The following AGK variants were observed in gnomAD, a reference collection of about 807,000 sequenced individuals.
AGK encodes acylglycerol kinase, mitochondrial.
In AGK, 52 loss-of-function variants were observed where a neutral mutation model predicts 66.4. The ratio of observed to expected loss-of-function variants is 0.78; its 90% CI spans 0.63 to 0.99. The LOEUF (loss-of-function observed/expected upper bound fraction) is 0.99. Ranked by LOEUF, AGK falls within the 50% of genes least tolerant of loss-of-function variation. The pLI is 0.00. For missense variants in AGK, 451 were observed against 506.6 expected, an observed-to-expected ratio of 0.89 and a Z score of 1.05; for synonymous variants, 182 against 181.1, an observed-to-expected ratio of 1.00 and a Z score of -0.04.
chr7:141,645,461 A>C (rs1454313615), intron 13 of AGK, among the ~76,000 whole-genome samples: 1 of 152,188 alleles, frequency 6.6e-6, no homozygotes, highest in Non-Finnish European at 1.5e-5. Context: ...CTACAGATTT[A>C]GTCATGGCCA....
intron 14 of AGK, chr7:141,650,675 C>T (rs990010764): frequency 3.0e-6 from 3 of 985,192 alleles, no homozygotes; most frequent in African/African-American, 1.7e-5. Context: ...TCTGTATATG[C>T]GCTGGAAATT....
At chr7:141,558,271 C>T (rs1795258912) in intron 2 of AGK, among the ~76,000 whole-genome samples, 1 of 151,760 alleles carries the variant, frequency 6.6e-6, no homozygotes, top group South Asian at 2.1e-4. Context: ...GATTCTCTTG[C>T]CTCAGCCTCC....
At chr7:141,581,124 T>G (rs939896175) in intron 2 of AGK, among the ~76,000 whole-genome samples, 1 of 151,870 alleles carries the variant, frequency 6.6e-6, no homozygotes, top group Non-Finnish European at 1.5e-5. Context: ...TTATGAAGAA[T>G]TATGCCGATA....
Position 141,576,835 on chromosome 7 carries a change from C to T in AGK, c.102-16311C>T, listed in dbSNP as rs866937040. ...TGGGCGGATCACAAGGTCAGGAGAT[C>T]GAGACCATCCTCGCTAACACGGTGA... On this transcript the variant is annotated intron_variant, in intron 2 of 15. Transcript: ENST00000649286. Among the ~76,000 whole-genome samples, 22 of 151,774 alleles carry T rather than the reference C, an allele frequency of 1.4e-4. 1 individual carries two copies. The highest frequency in any genetic ancestry group is 6.8e-3 in the Middle Eastern group (2 of 294).
chr7:141,589,318 T>C (rs1169060576), intron 2 of AGK, among the ~76,000 whole-genome samples: 1 of 152,378 alleles, frequency 6.6e-6, no homozygotes, highest in East Asian at 1.9e-4. Context: ...TAGTACTTGG[T>C]ACAAGGTAGT....
intron 2 of AGK, among the ~76,000 whole-genome samples, chr7:141,587,021 C>T (rs115733914): frequency 0.061 from 9,298 of 152,216 alleles, 542 homozygotes; most frequent in South Asian, 0.14. Context: ...CACCTCCACC[C>T]GGGTTCTCAC....
chr7:141,633,409 CACTTTTTATTTCG>C (rs148028499), intron 9 of AGK, among the ~76,000 whole-genome samples: 2,007 of 152,270 alleles, frequency 0.013, 45 homozygotes, highest in African/African-American at 0.045. Context: ...AAATCCAAAT[CACTTTTTATTTCG>C]ACTTTTTGTA....
At chr7:141,564,967 TC>T (rs1447999508) in intron 2 of AGK, among the ~76,000 whole-genome samples, 1 of 152,110 alleles carries the variant, frequency 6.6e-6, no homozygotes, top group Non-Finnish European at 1.5e-5. Context: ...CCTCAGGTGA[TC>T]CGCCCTCCTC....
intron 10 of AGK, 102 bp downstream of exon 10, chr7:141,634,082 G>A: frequency 9.7e-7 from 1 of 1,028,418 alleles, no homozygotes; most frequent in Non-Finnish European, 1.5e-6. Context: ...GAATAAATTT[G>A]GTGGGCCTGG....
At chr7:141,586,285 C>G (rs774634149) in intron 2 of AGK, among the ~76,000 whole-genome samples, 8 of 152,268 alleles carry the variant, frequency 5.3e-5, no homozygotes, top group Non-Finnish European at 1.0e-4. Flanking sequence ...CTGTACTACA[C>G]CATAATGACT....
At chr7:141,572,791 C>A (rs1446798764) in intron 2 of AGK, among the ~76,000 whole-genome samples, 1 of 151,516 alleles carries the variant, frequency 6.6e-6, no homozygotes, top group African/African-American at 2.4e-5. Flanking sequence ...AGTTTGAAAC[C>A]CCGACAGGCT....
At chr7:141,586,073 T>C (rs1408071704) in intron 2 of AGK, among the ~76,000 whole-genome samples, 1 of 152,090 alleles carries the variant, frequency 6.6e-6, no homozygotes, top group African/African-American at 2.4e-5. Flanking sequence ...TCATTAGTAA[T>C]CTGGAATTTT....
At chr7:141,561,834 T>G (rs546021824) in intron 2 of AGK, among the ~76,000 whole-genome samples, 4 of 152,208 alleles carry the variant, frequency 2.6e-5, no homozygotes, top group East Asian at 3.9e-4. Flanking sequence ...CTCTTCAGAT[T>G]CTTTTGTCCC....
In AGK at chr7:141,652,993, T is replaced by C. The variant is rs1301055159; in HGVS notation, c.*69T>C. ...GTGGGACCAAAAGGGAACAGGTGCC[T>C]CAGCCATCCCAACAGTGTCGTCAGA... On this transcript the variant is annotated 3_prime_UTR_variant, in exon 16 of 16. Coordinates refer to ENST00000649286, the MANE Select transcript of AGK (RefSeq NM_018238.4). 6.3e-7 allele frequency: 1 copy of C among 1,587,930 alleles called. No homozygotes were observed. The highest frequency in any genetic ancestry group is 8.6e-7 in the Non-Finnish European group (1 of 1,164,420).
At chr7:141,556,847 A>G (rs2116847349) in intron 2 of AGK, among the ~76,000 whole-genome samples, 1 of 152,354 alleles carries the variant, frequency 6.6e-6, no homozygotes, top group Middle Eastern at 3.4e-3. Flanking sequence ...TTTTGTTTAA[A>G]TAAAGAATTC....
At chr7:141,597,648 A>G in intron 4 of AGK, among the ~76,000 whole-genome samples, 1 of 152,080 alleles carries the variant, frequency 6.6e-6, no homozygotes, top group Non-Finnish European at 1.5e-5. Flanking sequence ...AGGTGGGCAG[A>G]TCACTTGAGC....
At chr7:141,628,108 T>C (rs1192899263) in intron 9 of AGK, among the ~76,000 whole-genome samples, 1 of 152,188 alleles carries the variant, frequency 6.6e-6, no homozygotes, top group Non-Finnish European at 1.5e-5. Flanking sequence ...TGTTGAACTC[T>C]TGGCCTCCTG....
intron 6 of AGK, among the ~76,000 whole-genome samples, chr7:141,611,838 G>A (rs1261314362): frequency 6.6e-6 from 1 of 152,174 alleles, no homozygotes; most frequent in Non-Finnish European, 1.5e-5. Context: ...GAACACTGAT[G>A]ATATCAAATG....
intron 10 of AGK, 44 bp from the exon 11 acceptor site, chr7:141,636,916 T>C: frequency 6.7e-7 from 1 of 1,497,678 alleles, no homozygotes; most frequent in Admixed American, 1.7e-5. Flanking sequence ...ACATGATAGT[T>C]CTTTTGATAT....
Sources: gnomAD v4.1 joint callset for allele counts (sites outside exome capture counted in the v4.1 genomes callset) on GRCh38, gnomAD v4.1.1 for gene constraint, MANE v1.5 for transcripts, NCBI Gene and HGNC (gene_info 2026-07-23, HGNC 2026-07-21) for gene names.